Variants in PPFIBP1 observed in about 807,000 individuals in gnomAD.
PPFIBP1 encodes the protein liprin-beta-1.
PPFIBP1 carries 112 observed loss-of-function variants against 137.8 expected under a neutral mutation model. The ratio of observed to expected loss-of-function variants is 0.81; its 90% CI spans 0.70 to 0.95. The LOEUF is 0.95. PPFIBP1 is among the 40% of genes least tolerant of loss of function. PPFIBP1 has a pLI of 0.00. For missense variants in PPFIBP1, 1,083 were observed against 1,196.6 expected (o/e 0.91, Z 1.40); for synonymous variants, 378 against 417.3 (o/e 0.91, Z 1.15).
At chr12:27,624,454 C>T (rs1309901890) in intron 2 of PPFIBP1, among the ~76,000 whole-genome samples, 4 of 152,188 alleles carry the variant, frequency 2.6e-5, no homozygotes, top group Non-Finnish European at 5.9e-5. Flanking sequence ...ATCCTTTATT[C>T]GAGAAGTAAA....
In PPFIBP1 at chr12:27,538,791, G is replaced by A. The variant is rs569878460; in HGVS notation, c.-124+14426G>A. Among the ~76,000 whole-genome samples the A allele has an allele frequency of 4.6e-5, 7 of 152,318 alleles. No homozygotes were observed. The East Asian group carries it at 1.4e-3, about 29-fold the overall frequency. On this transcript the variant is annotated intron_variant, in intron 1 of 29. Transcript: ENST00000228425. ...TCCTACCTGGGCACGAAAGTAGTAT[G>A]GAATGGTGGATCTTGGGCTCTGGAG...
At chr12:27,608,526 GAAAAT>G (rs1362347566) in intron 2 of PPFIBP1, among the ~76,000 whole-genome samples, 4 of 152,078 alleles carry the variant, frequency 2.6e-5, no homozygotes, top group African/African-American at 9.7e-5. Flanking sequence ...GATTGTACCA[GAAAAT>G]AAAATAAACA....
Position 27,691,878 on chromosome 12 carries a change from G to A in PPFIBP1, c.2815G>A (p.Gly939Ser). Reference protein sequence around the residue: ...GSASKKGFKPGLDMRLYEEDD... With the variant: ...GSASKKGFKPSLDMRLYEEDD... ...TGCATCTAAGAAAGGATTTAAACCT[G>A]GTTTGGATATGCGCCTGTATGAGGA... The change falls in exon 28 of 30, where the codon GGT becomes AGT. Residue 939 changes from glycine to serine, a missense_variant. By Grantham distance (56) the Gly-to-Ser change is moderately conservative (BLOSUM62 0). Transcript: ENST00000228425. The A allele has an allele frequency of 6.2e-7, 1 of 1,613,888 alleles. No individual in the cohort carries two copies. Among genetic ancestry groups the A allele is most frequent in the Non-Finnish European group, 8.5e-7 (1 of 1,179,898 alleles).
chr12:27,597,830 G>A (rs1385320855), intron 2 of PPFIBP1, among the ~76,000 whole-genome samples: 1 of 152,082 alleles, frequency 6.6e-6, no homozygotes, highest in Non-Finnish European at 1.5e-5. Flanking sequence ...TTGAGATGGA[G>A]TTTTGCTCTT....
chr12:27,536,787 A>G (rs2135924266), intron 1 of PPFIBP1, among the ~76,000 whole-genome samples: 1 of 152,342 alleles, frequency 6.6e-6, no homozygotes, highest in East Asian at 1.9e-4. Context: ...TGGTGACAGT[A>G]GAGTATTAAA....
chr12:27,546,309 C>T (rs1470106713), intron 1 of PPFIBP1, among the ~76,000 whole-genome samples: 1 of 152,174 alleles, frequency 6.6e-6, no homozygotes, highest in East Asian at 1.9e-4. Flanking sequence ...AGAACGATAC[C>T]AGCCCAGCCC....
chr12:27,661,512 A>T (rs759085209), intron 11 of PPFIBP1, among the ~76,000 whole-genome samples: 1 of 152,132 alleles, frequency 6.6e-6, no homozygotes, highest in South Asian at 2.1e-4. Context: ...TCCACATGTG[A>T]TGTTTCGTCC....
Position 27,674,372 on chromosome 12 carries a change from C to T in PPFIBP1, c.1410+151C>T, listed in dbSNP as rs528191832. The T allele has an allele frequency of 1.2e-3, 639 of 552,542 alleles. 6 individuals are homozygous for T. Among genetic ancestry groups the T allele is most frequent in the Non-Finnish European group, 2.0e-4 (62 of 313,680 alleles). 34.2% of individuals were successfully genotyped at this position (552,542 alleles called of 1,614,324 possible). On this transcript the variant is annotated intron_variant, in intron 17 of 29. Transcript: ENST00000228425. ...ACAAAGTTCACATATTATATGATTC[C>T]GTTTATGTGAAACATCCAGAACAGA...
At chr12:27,635,310 A>C in intron 4 of PPFIBP1, 195 bp downstream of exon 4, 1 of 618,012 alleles carries the variant, frequency 1.6e-6, no homozygotes, top group Non-Finnish European at 2.8e-6. Context: ...TACATTTTGT[A>C]AATACCAACA....
At chr12:27,666,111 GAA>G (rs754258354) in intron 12 of PPFIBP1, among the ~76,000 whole-genome samples, 1 of 151,474 alleles carries the variant, frequency 6.6e-6, no homozygotes, top group South Asian at 2.1e-4. Context: ...GGAAAATAAA[GAA>G]AAGAGATAAA....
intron 5 of PPFIBP1, chr12:27,646,405 GTTC>G (rs2058493799): frequency 5.2e-6 from 2 of 386,786 alleles, no homozygotes; most frequent in South Asian, 4.4e-5. Context: ...TGTCTGATCT[GTTC>G]TTTTTTTTTT....
chr12:27,548,127 C>T (rs987376965), intron 1 of PPFIBP1: 3 of 152,200 alleles, frequency 2.0e-5, no homozygotes, highest in African/African-American at 7.2e-5. Flanking sequence ...ATAATATGTA[C>T]ACCTGATTAC....
At chr12:27,692,689 C>G in intron 29 of PPFIBP1, 33 bp downstream of exon 29, 1 of 1,613,730 alleles carries the variant, frequency 6.2e-7, no homozygotes, top group Admixed American at 1.7e-5. Flanking sequence ...AAATGTTATT[C>G]TATAAATGTC....
intron 1 of PPFIBP1, among the ~76,000 whole-genome samples, chr12:27,567,579 G>A (rs2049790817): frequency 6.6e-6 from 1 of 152,122 alleles, no homozygotes; most frequent in Admixed American, 6.5e-5. Context: ...AGGATAGATG[G>A]AACCAGATTG....
intron 9 of PPFIBP1, 118 bp downstream of exon 9, chr12:27,656,848 C>A: frequency 1.5e-6 from 1 of 665,878 alleles, no homozygotes; most frequent in Non-Finnish European, 2.6e-6. Flanking sequence ...CAGCAGAATC[C>A]AGCCAGGACC....
chr12:27,661,882 T>A (rs2059576465), intron 11 of PPFIBP1, among the ~76,000 whole-genome samples: 1 of 152,196 alleles, frequency 6.6e-6, no homozygotes, highest in Non-Finnish European at 1.5e-5. Context: ...TGTCTACTCA[T>A]ATAGGTTCCT....
chr12:27,629,683 GA>G (rs1188863836), intron 2 of PPFIBP1, among the ~76,000 whole-genome samples: 2 of 152,178 alleles, frequency 1.3e-5, no homozygotes, highest in Non-Finnish European at 2.9e-5. Context: ...AGTCTTTTTA[GA>G]GACCAGGGGA....
At chr12:27,677,773 G>C (rs1324032690) in intron 19 of PPFIBP1, 1 of 152,268 alleles carries the variant, frequency 6.6e-6, no homozygotes, top group Non-Finnish European at 1.5e-5. Context: ...TTTAAGATGA[G>C]GATAAGCTAG....
At chr12:27,548,339 A>G (rs1423204476) in intron 1 of PPFIBP1, 2 of 152,180 alleles carry the variant, frequency 1.3e-5, no homozygotes, top group Non-Finnish European at 2.9e-5. Flanking sequence ...GGCCCTGGGG[A>G]TGGAAGGCAA....
Sources: gnomAD v4.1 joint callset for allele counts (sites outside exome capture counted in the v4.1 genomes callset) on GRCh38, gnomAD v4.1.1 for gene constraint, MANE v1.5 for transcripts, NCBI Gene and HGNC (gene_info 2026-07-23, HGNC 2026-07-21) for gene names.